The following CDH18 variants were observed in gnomAD, a reference collection of about 807,000 sequenced individuals.
CDH18 encodes cadherin-18.
CDH18 carries 31 observed loss-of-function variants against 67.9 expected under a neutral mutation model. The observed-to-expected ratio is 0.46, with a 90% CI of 0.34 to 0.62. The LOEUF is 0.62. Among genes scored for constraint, CDH18 ranks in the 20% least tolerant of loss-of-function variants. CDH18 has a pLI of 0.01. For synonymous variants in CDH18, 362 were observed against 347.2 expected (o/e 1.04, Z -0.48); for missense variants, 890 against 975.5 (o/e 0.91, Z 1.17).
intron 2 of CDH18, among the ~76,000 whole-genome samples, chr5:20,077,271 A>C (rs1167046128): frequency 6.6e-6 from 1 of 152,236 alleles, no homozygotes; most frequent in South Asian, 2.1e-4. Flanking sequence ...TTACACTTTT[A>C]TAAACCTTGG....
chr5:19,982,678 C>G (rs1212406389), intron 1 of CDH18, among the ~76,000 whole-genome samples: 1 of 152,060 alleles, frequency 6.6e-6, no homozygotes, highest in Non-Finnish European at 1.5e-5. Flanking sequence ...TTCACTTCCA[C>G]CAGGCAGGAG....
At chr5:19,519,787 G>A (rs980219020) in intron 10 of CDH18, among the ~76,000 whole-genome samples, 1 of 152,082 alleles carries the variant, frequency 6.6e-6, no homozygotes, top group Non-Finnish European at 1.5e-5. Flanking sequence ...CAGCCTTGAG[G>A]AGTAAAGGAA....
intron 6 of CDH18, among the ~76,000 whole-genome samples, chr5:19,601,225 T>C (rs770449926): frequency 5.3e-5 from 8 of 152,082 alleles, no homozygotes; most frequent in Non-Finnish European, 1.0e-4. Context: ...ATTGATTGGC[T>C]AAGAAAGAGA....
intron 1 of CDH18, among the ~76,000 whole-genome samples, chr5:20,408,524 C>T (rs1250542834): frequency 6.6e-6 from 1 of 151,652 alleles, no homozygotes; most frequent in Non-Finnish European, 1.5e-5. Context: ...TGCAAATAGA[C>T]TGTTATTAGT....
At chr5:19,766,100 AAC>A (rs1193604790) in intron 3 of CDH18, among the ~76,000 whole-genome samples, 3 of 152,042 alleles carry the variant, frequency 2.0e-5, no homozygotes, top group African/African-American at 7.2e-5. Context: ...ACTGGTCTCA[AAC>A]TCCTGACCTC....
intron 9 of CDH18, among the ~76,000 whole-genome samples, chr5:19,540,169 C>G (rs1358705906): frequency 3.9e-5 from 6 of 152,046 alleles, no homozygotes; most frequent in African/African-American, 1.4e-4. Context: ...GGCTACAGGT[C>G]CCATGCAAGT....
At chr5:20,319,804 A>G (rs1312700206) in intron 1 of CDH18, among the ~76,000 whole-genome samples, 2 of 152,222 alleles carry the variant, frequency 1.3e-5, no homozygotes, top group Admixed American at 6.5e-5. Context: ...AAAACACTAT[A>G]TATAGAAACA....
chr5:19,970,081 G>T (rs182975706), intron 2 of CDH18, among the ~76,000 whole-genome samples: 1,935 of 151,992 alleles, frequency 0.013, 26 homozygotes, highest in Non-Finnish European at 0.019. Flanking sequence ...CATGAAAGTT[G>T]ATGAGCTGAA....
chr5:19,992,737 A>C (rs1293281096), upstream of CDH18, among the ~76,000 whole-genome samples: 1 of 148,410 alleles, frequency 6.7e-6, no homozygotes, highest in Non-Finnish European at 1.5e-5. Context: ...TATTCCGGAC[A>C]TGCAAGACTG....
chr5:19,837,251 G>A (rs1375379566), intron 3 of CDH18, among the ~76,000 whole-genome samples: 2 of 152,044 alleles, frequency 1.3e-5, no homozygotes, highest in Admixed American at 1.3e-4. Flanking sequence ...ACACACCAGG[G>A]CCTGTCTGGG....
intron 1 of CDH18, among the ~76,000 whole-genome samples, chr5:20,457,348 T>C (rs946374753): frequency 6.6e-6 from 1 of 152,230 alleles, no homozygotes; most frequent in Non-Finnish European, 1.5e-5. Flanking sequence ...TCAAGTGATA[T>C]AAAATGATAC....
At chr5:20,093,369 T>G (rs991480067) in intron 2 of CDH18, among the ~76,000 whole-genome samples, 1 of 147,232 alleles carries the variant, frequency 6.8e-6, no homozygotes, top group Admixed American at 6.9e-5. Context: ...TTTTTTTTTC[T>G]GTTCTAGTTA....
chr5:20,372,467 C>T (rs1297059383), intron 1 of CDH18, among the ~76,000 whole-genome samples: 1 of 151,660 alleles, frequency 6.6e-6, no homozygotes, highest in Non-Finnish European at 1.5e-5. Context: ...TATTTCTGCA[C>T]TCATTAAGCA....
intron 1 of CDH18, among the ~76,000 whole-genome samples, chr5:20,374,339 A>T (rs1344356443): frequency 6.6e-6 from 1 of 152,184 alleles, no homozygotes; most frequent in African/African-American, 2.4e-5. Context: ...TTTGAAAAGG[A>T]GGTAAAAATG....
At chr5:19,983,033 GA>G (rs58434622) in intron 1 of CDH18, among the ~76,000 whole-genome samples, 49,667 of 99,228 alleles carry the variant, frequency 0.5, 11,045 homozygotes, top group Middle Eastern at 0.68. Context: ...ACTCCATCTC[GA>G]AAAAAAAAAA....
chr5:19,959,269 G>C (rs1441975851), intron 2 of CDH18, among the ~76,000 whole-genome samples: 1 of 151,904 alleles, frequency 6.6e-6, no homozygotes, highest in African/African-American at 2.4e-5. Context: ...AGGTGAGTGT[G>C]TGTAAAACTA....
chr5:19,903,541 G>GTATATATATATA (rs112818883), intron 2 of CDH18, among the ~76,000 whole-genome samples: 13,298 of 123,932 alleles, frequency 0.11, 946 homozygotes, highest in South Asian at 0.15. Context: ...GTGTGTGTGT[G>GTATATATATATA]TATATATATA....
At chr5:19,778,356 A>G (rs183872424) in intron 3 of CDH18, among the ~76,000 whole-genome samples, 119 of 152,308 alleles carry the variant, frequency 7.8e-4, no homozygotes, top group African/African-American at 2.3e-3. Flanking sequence ...CCAAGAAATT[A>G]AAACGAAAGA....
chr5:19,749,963 A>C (rs1462594481), intron 3 of CDH18, among the ~76,000 whole-genome samples: 2 of 152,002 alleles, frequency 1.3e-5, no homozygotes, highest in Non-Finnish European at 2.9e-5. Flanking sequence ...CCTTACACCA[A>C]ATATTATGAA....
Sources: gnomAD v4.1 joint callset for allele counts (sites outside exome capture counted in the v4.1 genomes callset) on GRCh38, gnomAD v4.1.1 for gene constraint, MANE v1.5 for transcripts, NCBI Gene and HGNC (gene_info 2026-07-23, HGNC 2026-07-21) for gene names.